ELF1: variants seen among roughly 807,000 people sequenced by gnomAD.
The protein encoded by ELF1 is ETS-related transcription factor Elf-1.
A neutral mutation model predicts 59.9 loss-of-function variants in ELF1; 24 were observed. The ratio of observed to expected loss-of-function variants is 0.40; its 90% CI spans 0.29 to 0.56. The LOEUF (loss-of-function observed/expected upper bound fraction) is 0.56, where lower values mean the gene tolerates loss of function less well. Ranked by LOEUF, ELF1 falls within the 20% of genes least tolerant of loss-of-function variation. The pLI is 0.44. For missense variants in ELF1, 627 were observed against 742.2 expected, an observed-to-expected ratio of 0.84 and a Z score of 1.80; for synonymous variants, 248 against 266.2, an observed-to-expected ratio of 0.93 and a Z score of 0.67.
rs572543512 is a variant in ELF1, at chr13:40,999,992, T to C, written c.-228-17710A>G. ...TGAACACCAGTGTAACTTTGAAATA[T>C]ATGAACTGTTGCATCTTTGGATGAC... On this transcript the variant is annotated intron_variant, in intron 1 of 8. Coordinates refer to ENST00000239882, the MANE Select transcript of ELF1 (RefSeq NM_172373.4). Among the ~76,000 whole-genome samples the C allele has an allele frequency of 3.3e-5, 5 of 152,312 alleles. No individual in the cohort carries two copies. In the East Asian group the frequency reaches 9.7e-4, roughly 29 times the overall value.
intron 8 of ELF1, among the ~76,000 whole-genome samples, chr13:40,940,416 A>AAAC (rs1490459991): frequency 8.8e-6 from 1 of 113,916 alleles, no homozygotes; most frequent in East Asian, 2.1e-4. Flanking sequence ...AAAAAAAAAA[A>AAAC]AACAAACCTA....
At chr13:40,995,436 A>T (rs571951755) in intron 1 of ELF1, among the ~76,000 whole-genome samples, 7 of 152,210 alleles carry the variant, frequency 4.6e-5, no homozygotes, top group Admixed American at 1.3e-4. Flanking sequence ...TGGAGAAGTG[A>T]ACGGAAATAT....
Position 40,943,875 on chromosome 13 carries a change from T to C in ELF1, c.580A>G (p.Ile194Val), listed in dbSNP as rs753617891. 5.0e-6 allele frequency: 8 copies of C among 1,613,738 alleles called. No individual in the cohort carries two copies. The highest frequency in any genetic ancestry group is 3.3e-5 in the South Asian group (3 of 91,056). ...RPDSPATTPN[I>V]SVKKKNKDGK... ...TCTTTGTTTTTCTTCTTCACAGATA[T>C]ATTTGGCGTAGTGGCTGGGGAATCT... The change falls in exon 6 of 9, where the codon ATA (isoleucine) becomes GTA (valine). Residue 194 changes from isoleucine to valine, a missense_variant. By Grantham distance (29) the Ile-to-Val change is conservative. Transcript: ENST00000239882.
intron 1 of ELF1, chr13:40,993,072 A>G (rs904219949): frequency 6.2e-6 from 10 of 1,608,136 alleles, no homozygotes; most frequent in Non-Finnish European, 8.5e-6. Context: ...GGCCTTCATC[A>G]TCTTGTCAAA....
chr13:41,040,098 C>T (rs1480580232), intron 1 of ELF1, among the ~76,000 whole-genome samples: 1 of 152,176 alleles, frequency 6.6e-6, no homozygotes, highest in East Asian at 1.9e-4. Flanking sequence ...AAGGCAACTT[C>T]ACAACCAAAA....
intron 1 of ELF1, among the ~76,000 whole-genome samples, chr13:41,002,352 T>C (rs1280532157): frequency 6.6e-6 from 1 of 151,896 alleles, no homozygotes; most frequent in Non-Finnish European, 1.5e-5. Flanking sequence ...CCTGCAGAAA[T>C]CATATCAGGG....
At chr13:41,058,969 G>A (rs575248302) in intron 1 of ELF1, among the ~76,000 whole-genome samples, 6 of 151,420 alleles carry the variant, frequency 4.0e-5, no homozygotes, top group African/African-American at 1.5e-4. Context: ...GCGAGACTCC[G>A]TCTCAACAAA....
chr13:40,951,698 T>C (rs772842300), intron 3 of ELF1: 3 of 231,554 alleles, frequency 1.3e-5, no homozygotes, highest in African/African-American at 2.3e-5. Flanking sequence ...AAACCCTGTT[T>C]CTACTAAAAA....
chr13:40,990,539 C>A (rs1298542501), intron 1 of ELF1, among the ~76,000 whole-genome samples: 1 of 151,980 alleles, frequency 6.6e-6, no homozygotes, highest in African/African-American at 2.4e-5. Context: ...AGAAATTTTA[C>A]CTTCAATATA....
chr13:41,026,733 C>G (rs909219944), intron 1 of ELF1, among the ~76,000 whole-genome samples: 4 of 152,170 alleles, frequency 2.6e-5, no homozygotes, highest in Admixed American at 2.0e-4. Flanking sequence ...CTGACCCACT[C>G]CAAGCCACAA....
At chr13:41,034,549 C>T (rs1876295832) in intron 1 of ELF1, among the ~76,000 whole-genome samples, 2 of 152,044 alleles carry the variant, frequency 1.3e-5, no homozygotes, top group African/African-American at 4.8e-5. Flanking sequence ...AAATAAATCT[C>T]TTTCAAAAAC....
intron 1 of ELF1, among the ~76,000 whole-genome samples, chr13:41,033,503 T>C (rs1876254503): frequency 6.6e-6 from 1 of 152,210 alleles, no homozygotes; most frequent in East Asian, 1.9e-4. Context: ...AAAAGCATTA[T>C]GCTGAGTGAA....
intron 8 of ELF1, among the ~76,000 whole-genome samples, chr13:40,940,350 C>T (rs138594517): frequency 2.9e-5 from 4 of 137,130 alleles, no homozygotes; most frequent in Middle Eastern, 4.0e-3. Context: ...TGTTTAGCAT[C>T]TCATCCTGGG....
intron 1 of ELF1, among the ~76,000 whole-genome samples, chr13:41,048,705 G>A (rs1200878045): frequency 2.0e-5 from 3 of 151,354 alleles, no homozygotes; most frequent in South Asian, 2.1e-4. Flanking sequence ...GAGCTACTAC[G>A]CCTAGCCGAA....
rs188273687 is a variant in ELF1 at position 41,059,500 on chromosome 13, G to T, written c.-229+1338C>A. ...CGCAGATCACATTAACAAATTTACTGTGCAGTTAAAGCTACAAAATAGTCT... is the reference window on the plus strand; with the variant it reads ...CGCAGATCACATTAACAAATTTACTTTGCAGTTAAAGCTACAAAATAGTCT... On this transcript the variant is annotated intron_variant, in intron 1 of 1. Transcript: ENST00000405737. 3.6e-4 allele frequency among the ~76,000 whole-genome samples: 55 copies of T among 152,286 alleles called. 3 individuals are homozygous for T. The East Asian group carries it at 0.01, about 28-fold the overall frequency.
chr13:41,035,844 A>AAACAAC (rs1165440085), intron 1 of ELF1, among the ~76,000 whole-genome samples: 32 of 148,732 alleles, frequency 2.2e-4, no homozygotes, highest in African/African-American at 7.6e-4. Flanking sequence ...GTTAAAAAAA[A>AAACAAC]AACAACAACA....
intron 2 of ELF1, among the ~76,000 whole-genome samples, chr13:40,969,689 C>G (rs747142468): frequency 6.6e-6 from 1 of 152,038 alleles, no homozygotes; most frequent in Non-Finnish European, 1.5e-5. Context: ...CTCTCTGAAC[C>G]GAAACTGTTT....
intron 1 of ELF1, chr13:40,982,763 G>C (rs1998905): frequency 0.19 from 101,807 of 533,404 alleles, 10,298 homozygotes; most frequent in East Asian, 0.25. Context: ...TTAGTAAGAA[G>C]TATTTTTAAA....
At chr13:40,955,777 G>T (rs1275039289) in intron 3 of ELF1, among the ~76,000 whole-genome samples, 1 of 62,384 alleles carries the variant, frequency 1.6e-5, no homozygotes, top group Non-Finnish European at 2.8e-5. Context: ...GGAGGCGGGG[G>T]GGTCAGCCCC....
Sources: allele counts gnomAD v4.1 joint callset (sites outside exome capture counted in the v4.1 genomes callset), GRCh38; gene constraint gnomAD v4.1.1; transcripts MANE v1.5; gene names NCBI Gene and HGNC (gene_info 2026-07-23, HGNC 2026-07-21).